Variants in CDH13 observed in about 807,000 individuals in gnomAD.
CDH13 encodes the protein cadherin-13.
Under a neutral mutation model 63.8 loss-of-function variants are expected in CDH13, and 24 were observed. The ratio of observed to expected loss-of-function variants is 0.38; its 90% CI spans 0.27 to 0.53. The LOEUF is 0.53. CDH13 is among the 20% of genes least tolerant of loss of function. The pLI is 0.85. For synonymous variants in CDH13, 503 were observed against 355.3 expected, an observed-to-expected ratio of 1.42 and a Z score of -4.67; for missense variants, 1,049 against 903.1, an observed-to-expected ratio of 1.16 and a Z score of -2.07.
chr16:83,055,181 A>G (rs897863477), intron 3 of CDH13, among the ~76,000 whole-genome samples: 1 of 152,118 alleles, frequency 6.6e-6, no homozygotes, highest in East Asian at 1.9e-4. Context: ...GAATCCAGAT[A>G]AAGTAGAGGA....
At chr16:82,745,555 G>A (rs1024719910) in intron 1 of CDH13, among the ~76,000 whole-genome samples, 1 of 152,128 alleles carries the variant, frequency 6.6e-6, no homozygotes, top group Non-Finnish European at 1.5e-5. Flanking sequence ...AGTGAGCCAA[G>A]ATCACGCCAC....
chr16:82,888,017 G>A (rs916935870), intron 2 of CDH13, among the ~76,000 whole-genome samples: 1 of 152,044 alleles, frequency 6.6e-6, no homozygotes, highest in Non-Finnish European at 1.5e-5. Context: ...GTACGGTTTT[G>A]GCCAAAGGGC....
chr16:83,584,849 C>T lies in CDH13; in HGVS notation c.961-17605C>T, dbSNP rs193056371. Among the ~76,000 whole-genome samples, 251 of 152,248 alleles carry T rather than the reference C, an allele frequency of 1.6e-3. 5 individuals are homozygous for T. The South Asian group carries it at 0.03, about 18-fold the overall frequency. On this transcript the variant is annotated intron_variant, in intron 7 of 13. Transcript: ENST00000567109. ...TGAGGCCTCAGAAAGCTTACAATCA[C>T]GGCAGAGGGCAAAGCGGGAGTGGGC...
At chr16:83,291,268 G>A (rs754163530) in intron 5 of CDH13, among the ~76,000 whole-genome samples, 1 of 152,196 alleles carries the variant, frequency 6.6e-6, no homozygotes, top group East Asian at 1.9e-4. Context: ...CATAATTCTG[G>A]TTAGAGGTCA....
At chr16:83,246,102 G>T (rs907417694) in intron 5 of CDH13, among the ~76,000 whole-genome samples, 2 of 152,076 alleles carry the variant, frequency 1.3e-5, no homozygotes, top group Non-Finnish European at 2.9e-5. Flanking sequence ...CTTATTTATT[G>T]TTACAGTCAA....
intron 7 of CDH13, among the ~76,000 whole-genome samples, chr16:83,492,662 A>G (rs893781085): frequency 2.6e-5 from 4 of 152,248 alleles, no homozygotes; most frequent in Non-Finnish European, 4.4e-5. Context: ...GTAGAATAGG[A>G]CATTCAAAAG....
intron 5 of CDH13, among the ~76,000 whole-genome samples, chr16:83,235,559 C>A (rs1289061456): frequency 1.4e-5 from 2 of 142,280 alleles, no homozygotes; most frequent in African/African-American, 5.2e-5. Flanking sequence ...TGCCAATGCT[C>A]ATTTTTTATT....
At chr16:83,064,149 C>T (rs1415865579) in intron 3 of CDH13, among the ~76,000 whole-genome samples, 2 of 152,016 alleles carry the variant, frequency 1.3e-5, no homozygotes, top group Non-Finnish European at 2.9e-5. Flanking sequence ...GGTGGGCAGA[C>T]CATGAGGTCA....
intron 4 of CDH13, among the ~76,000 whole-genome samples, chr16:83,159,479 A>G (rs537450165): frequency 6.6e-6 from 1 of 152,346 alleles, no homozygotes; most frequent in South Asian, 2.1e-4. Context: ...CACTGAGCTA[A>G]AGTCTCTATG....
At chr16:82,750,844 G>A (rs1189251824) in intron 1 of CDH13, among the ~76,000 whole-genome samples, 1 of 152,102 alleles carries the variant, frequency 6.6e-6, no homozygotes, top group African/African-American at 2.4e-5. Context: ...ATGGTTGAGT[G>A]CATTCTTCCG....
At chr16:83,140,928 G>C (rs985116677) in intron 4 of CDH13, among the ~76,000 whole-genome samples, 7 of 152,136 alleles carry the variant, frequency 4.6e-5, no homozygotes, top group African/African-American at 1.7e-4. Context: ...TCTGCCACAT[G>C]AAAAATGACC....
intron 8 of CDH13, among the ~76,000 whole-genome samples, chr16:83,651,534 G>A (rs533096524): frequency 6.7e-6 from 1 of 150,346 alleles, no homozygotes; most frequent in South Asian, 2.1e-4. Flanking sequence ...ACAAGATGCA[G>A]CTTCCTGTGG....
chr16:83,531,628 C>G (rs887179997), intron 7 of CDH13, among the ~76,000 whole-genome samples: 1 of 152,156 alleles, frequency 6.6e-6, no homozygotes, highest in African/African-American at 2.4e-5. Flanking sequence ...ACAAATGTCC[C>G]TACAAGAGGG....
chr16:83,249,820 C>A (rs547765733), intron 5 of CDH13, among the ~76,000 whole-genome samples: 1 of 152,210 alleles, frequency 6.6e-6, no homozygotes, highest in Admixed American at 6.5e-5. Context: ...GTTGGTGTTA[C>A]AGATCATTTA....
At chr16:82,846,483 G>C (rs1484877099) in intron 1 of CDH13, among the ~76,000 whole-genome samples, 1 of 152,182 alleles carries the variant, frequency 6.6e-6, no homozygotes, top group Non-Finnish European at 1.5e-5. Flanking sequence ...AATGGGAGTA[G>C]ACACAATTAT....
intron 12 of CDH13, among the ~76,000 whole-genome samples, chr16:83,781,221 A>G (rs769685082): frequency 6.6e-5 from 10 of 152,150 alleles, no homozygotes; most frequent in Non-Finnish European, 1.2e-4. Context: ...TGAAACACCA[A>G]CATATTAATA....
chr16:82,860,748 TA>T (rs2039911781), intron 2 of CDH13, among the ~76,000 whole-genome samples: 1 of 152,130 alleles, frequency 6.6e-6, no homozygotes. Flanking sequence ...TAATGGTGCC[TA>T]AATGAGGAAG....
At chr16:83,521,346 A>G (rs940455561) in intron 7 of CDH13, among the ~76,000 whole-genome samples, 24 of 147,166 alleles carry the variant, frequency 1.6e-4, no homozygotes, top group African/African-American at 3.2e-4. Flanking sequence ...GAAATTTAGG[A>G]AAAAAAAAAA....
At chr16:83,242,384 C>T (rs910860639) in intron 5 of CDH13, among the ~76,000 whole-genome samples, 2 of 152,058 alleles carry the variant, frequency 1.3e-5, no homozygotes, top group Admixed American at 6.6e-5. Context: ...TTTCTTGTGC[C>T]ATATGAAAGT....
Sources: gnomAD v4.1 joint callset for allele counts (sites outside exome capture counted in the v4.1 genomes callset) on GRCh38, gnomAD v4.1.1 for gene constraint, MANE v1.5 for transcripts, NCBI Gene and HGNC (gene_info 2026-07-23, HGNC 2026-07-21) for gene names.